Variants in SCARB1 observed in about 807,000 individuals in gnomAD.
The protein encoded by SCARB1 is scavenger receptor class B member 1.
Under a neutral mutation model 57.2 loss-of-function variants are expected in SCARB1, and 30 were observed. That is an observed-to-expected ratio of 0.52 (90% confidence interval 0.39 to 0.71). The LOEUF (loss-of-function observed/expected upper bound fraction) is 0.71. Among genes scored for constraint, SCARB1 ranks in the 30% least tolerant of loss-of-function variants. The probability of loss-of-function intolerance (pLI) is 0.00; values close to 1 mark genes in which losing one functional copy is unlikely to be tolerated. For synonymous variants in SCARB1, 249 were observed against 268.3 expected, an observed-to-expected ratio of 0.93 and a Z score of 0.70; for missense variants, 543 against 671.2, an observed-to-expected ratio of 0.81 and a Z score of 2.11.
At chr12:124,792,721 CAAAAA>C (rs930596389) in intron 9 of SCARB1, among the ~76,000 whole-genome samples, 1 of 31,738 alleles carries the variant, frequency 3.2e-5, no homozygotes, top group Non-Finnish European at 7.1e-5. Flanking sequence ...GACTTCGTCT[CAAAAA>C]AAAAAAAAAA....
At chr12:124,820,626 C>T (rs1424478410) in intron 1 of SCARB1, among the ~76,000 whole-genome samples, 1 of 152,222 alleles carries the variant, frequency 6.6e-6, no homozygotes, top group East Asian at 1.9e-4. Flanking sequence ...CCCTGCAGCC[C>T]TGGGGACCCT....
intron 12 of SCARB1, among the ~76,000 whole-genome samples, chr12:124,779,341 A>AAAG (rs763021855): frequency 8.5e-5 from 13 of 152,298 alleles, no homozygotes; most frequent in Non-Finnish European, 1.0e-4. Context: ...ACAGCAATAC[A>AAAG]CGCAGCAGGA....
chr12:124,791,378 C>T (rs148495364), intron 9 of SCARB1, among the ~76,000 whole-genome samples: 85 of 152,162 alleles, frequency 5.6e-4, no homozygotes, highest in African/African-American at 1.8e-3. Flanking sequence ...TGACCTTGGG[C>T]GTGCTACTGA....
chr12:124,795,392 T>C (rs1949908141), intron 8 of SCARB1, 124 bp from the exon 9 acceptor site: 2 of 749,020 alleles, frequency 2.7e-6, no homozygotes, highest in African/African-American at 1.7e-5. Context: ...TGGAGCTTGC[T>C]TGTATCTTAC....
chr12:124,815,341 C>CCACCGTG (rs1950671001), intron 2 of SCARB1, among the ~76,000 whole-genome samples: 1 of 152,190 alleles, frequency 6.6e-6, no homozygotes, highest in Non-Finnish European at 1.5e-5. Flanking sequence ...CTGCTCTCCC[C>CCACCGTG]CACCCAACAC....
rs1394415305 is a variant in SCARB1 at position 124,863,833 on chromosome 12, C to T, written c.-113G>A. The T allele has an allele frequency of 4.7e-6, 6 of 1,282,808 alleles. No individual in the cohort carries two copies. The African/African-American group carries it at 7.9e-5, about 17-fold the overall frequency. 79.5% of individuals were successfully genotyped at this position (1,282,808 alleles called of 1,614,324 possible). On this transcript the variant is annotated 5_prime_UTR_variant, in exon 1 of 13. Transcript: ENST00000261693. ...ACTCCGGGCACGCAGGCCGCAGAGG[C>T]ACGGTGGATCCGGGACGGCAGCGCA...
intron 8 of SCARB1, among the ~76,000 whole-genome samples, chr12:124,797,472 CA>C (rs1319176298): frequency 6.6e-6 from 1 of 152,140 alleles, no homozygotes; most frequent in Admixed American, 6.5e-5. Context: ...GCTCAAAAAA[CA>C]AAGAAATAAA....
chr12:124,839,606 TG>T (rs990411795), intron 1 of SCARB1: 8 of 984,620 alleles, frequency 8.1e-6, no homozygotes, highest in African/African-American at 5.2e-5. Context: ...TGTTAAATTT[TG>T]GGGGGGCCTC....
chr12:124,826,330 CAAAAA>C (rs55809371), intron 1 of SCARB1, among the ~76,000 whole-genome samples: 1 of 78,896 alleles, frequency 1.3e-5, no homozygotes. Flanking sequence ...GACCCTGTCT[CAAAAA>C]AAAAAAAAAA....
chr12:124,857,317 C>G (rs575325938), intron 1 of SCARB1, among the ~76,000 whole-genome samples: 1 of 152,258 alleles, frequency 6.6e-6, no homozygotes, highest in Non-Finnish European at 1.5e-5. Context: ...ACACTTGGAA[C>G]AGTATCCGGC....
chr12:124,853,790 T>C (rs78194510), intron 1 of SCARB1, among the ~76,000 whole-genome samples: 12,645 of 152,148 alleles, frequency 0.083, 591 homozygotes, highest in South Asian at 0.13. Context: ...ATGATGACAC[T>C]CCAGCATCCA....
chr12:124,858,659 C>A (rs1338902711), intron 1 of SCARB1, among the ~76,000 whole-genome samples: 2 of 151,928 alleles, frequency 1.3e-5, no homozygotes, highest in African/African-American at 4.8e-5. Flanking sequence ...ACGGGCGGAT[C>A]ACGAGGTCAG....
chr12:124,790,336 G>GC (rs1163059806), intron 9 of SCARB1, among the ~76,000 whole-genome samples: 1 of 152,174 alleles, frequency 6.6e-6, no homozygotes, highest in Non-Finnish European at 1.5e-5. Context: ...TATAGATCAT[G>GC]CCACTGTACT....
At chr12:124,843,548 T>C (rs571294578) in intron 1 of SCARB1, among the ~76,000 whole-genome samples, 52 of 152,276 alleles carry the variant, frequency 3.4e-4, no homozygotes, top group African/African-American at 1.2e-3. Flanking sequence ...GATCTGAGGA[T>C]TGGGCACCTG....
chr12:124,811,986 A>G (rs1417212621), intron 4 of SCARB1, 21 bp from the exon 5 acceptor site: 1 of 1,586,848 alleles, frequency 6.3e-7, no homozygotes. Context: ...AGCAGGGAAC[A>G]GCATCGTAAG....
intron 8 of SCARB1, among the ~76,000 whole-genome samples, chr12:124,798,807 G>A (rs1950034620): frequency 6.6e-6 from 1 of 150,394 alleles, no homozygotes; most frequent in Admixed American, 6.7e-5. Flanking sequence ...TCGTGCCACT[G>A]CACTCCAGCC....
intron 1 of SCARB1, among the ~76,000 whole-genome samples, chr12:124,848,744 T>C (rs1022021375): frequency 6.6e-6 from 1 of 152,218 alleles, no homozygotes; most frequent in Non-Finnish European, 1.5e-5. Flanking sequence ...ATCCGCACCG[T>C]GGAGCGTTTC....
chr12:124,836,843 C>A (rs1566229761), intron 1 of SCARB1, among the ~76,000 whole-genome samples: 2 of 152,150 alleles, frequency 1.3e-5, no homozygotes, highest in South Asian at 4.1e-4. Context: ...AATTTGTCTC[C>A]ATTTTACTGA....
At chr12:124,859,949 A>ATTTT (rs63359362) in intron 1 of SCARB1, among the ~76,000 whole-genome samples, 2 of 117,958 alleles carry the variant, frequency 1.7e-5, no homozygotes, top group Non-Finnish European at 3.5e-5. Context: ...AAGTTCCTTC[A>ATTTT]TTTTTTTTTT....
Sources: gnomAD v4.1 joint callset for allele counts (sites outside exome capture counted in the v4.1 genomes callset) on GRCh38, gnomAD v4.1.1 for gene constraint, MANE v1.5 for transcripts, NCBI Gene and HGNC (gene_info 2026-07-23, HGNC 2026-07-21) for gene names.